The following SUPT3H variants were observed in gnomAD, a reference collection of about 807,000 sequenced individuals.
SUPT3H encodes the protein transcription initiation protein SPT3 homolog.
Under a neutral mutation model 44.3 loss-of-function variants are expected in SUPT3H, and 44 were observed. That is an observed-to-expected ratio of 0.99 (90% CI 0.78 to 1.28). The LOEUF (loss-of-function observed/expected upper bound fraction) is 1.28, where lower values mean the gene tolerates loss of function less well. Ranked by LOEUF, SUPT3H falls within the 50% of genes most tolerant of loss-of-function variation. The pLI is 0.00. For synonymous variants in SUPT3H, 124 were observed against 125.6 expected (o/e 0.99, Z 0.09); for missense variants, 380 against 387.1 (o/e 0.98, Z 0.15).
intron 3 of SUPT3H, among the ~76,000 whole-genome samples, chr6:45,042,482 T>G (rs1400183561): frequency 1.3e-5 from 2 of 152,176 alleles, no homozygotes; most frequent in Non-Finnish European, 2.9e-5. Context: ...ACCTAGAACA[T>G]GATATGGTTG....
chr6:45,022,617 C>A (rs1362708352), intron 3 of SUPT3H, among the ~76,000 whole-genome samples: 1 of 151,984 alleles, frequency 6.6e-6, no homozygotes, highest in East Asian at 1.9e-4. Flanking sequence ...CCTTGGACCT[C>A]TGCCTAGTTA....
chr6:45,075,366 G>C (rs1794877543), intron 3 of SUPT3H, among the ~76,000 whole-genome samples: 1 of 151,986 alleles, frequency 6.6e-6, no homozygotes, highest in African/African-American at 2.4e-5. Context: ...AAATGTCCTT[G>C]GCTTCTCTGA....
At chr6:45,233,520 T>A (rs1226763892) in intron 2 of SUPT3H, among the ~76,000 whole-genome samples, 1 of 152,200 alleles carries the variant, frequency 6.6e-6, no homozygotes, top group East Asian at 1.9e-4. Context: ...CCAACCACAG[T>A]ACTGTGCAGT....
intron 10 of SUPT3H, among the ~76,000 whole-genome samples, chr6:44,876,709 T>A: frequency 6.9e-6 from 1 of 145,786 alleles, no homozygotes. Flanking sequence ...AACCAATGGA[T>A]CAAAGGAGAA....
At chr6:45,284,344 G>A (rs563836374) in intron 2 of SUPT3H, among the ~76,000 whole-genome samples, 32 of 151,942 alleles carry the variant, frequency 2.1e-4, no homozygotes, top group South Asian at 1.2e-3. Context: ...TTGACAGACC[G>A]CTACCAAGAC....
At chr6:45,131,336 C>T (rs919364483) in intron 2 of SUPT3H, among the ~76,000 whole-genome samples, 3 of 152,150 alleles carry the variant, frequency 2.0e-5, no homozygotes, top group African/African-American at 7.2e-5. Context: ...TCACAGTCTA[C>T]AACAAATTAA....
intron 6 of SUPT3H, among the ~76,000 whole-genome samples, chr6:44,980,245 T>TAAA (rs759022169): frequency 7.8e-6 from 1 of 128,988 alleles, no homozygotes; most frequent in Non-Finnish European, 1.7e-5. Flanking sequence ...ACCCTTTCTC[T>TAAA]AAAAAAAAAA....
intron 2 of SUPT3H, among the ~76,000 whole-genome samples, chr6:45,134,585 T>C (rs1389812647): frequency 6.6e-6 from 1 of 152,138 alleles, no homozygotes; most frequent in Non-Finnish European, 1.5e-5. Flanking sequence ...TCTCCAGCTG[T>C]GAGCCTATGA....
At chr6:44,865,407 G>C (rs1458849447) in intron 10 of SUPT3H, among the ~76,000 whole-genome samples, 6 of 149,256 alleles carry the variant, frequency 4.0e-5, no homozygotes, top group Non-Finnish European at 9.0e-5. Context: ...CCCATTTACT[G>C]TATTACTTCA....
chr6:45,229,146 G>GT (rs1277604483), intron 2 of SUPT3H, among the ~76,000 whole-genome samples: 2 of 152,052 alleles, frequency 1.3e-5, no homozygotes, highest in East Asian at 1.9e-4. Context: ...CATGAGTTTG[G>GT]TAAAAACTGA....
chr6:45,171,713 C>CTTGTTTT (rs1810794583), intron 2 of SUPT3H, among the ~76,000 whole-genome samples: 1 of 93,474 alleles, frequency 1.1e-5, no homozygotes, highest in African/African-American at 4.5e-5. Flanking sequence ...ATTCCACTTG[C>CTTGTTTT]TTTTTTTTTT....
intron 3 of SUPT3H, among the ~76,000 whole-genome samples, chr6:45,053,422 G>C (rs150573653): frequency 6.6e-6 from 1 of 151,904 alleles, no homozygotes; most frequent in Non-Finnish European, 1.5e-5. Context: ...ATACCTGATG[G>C]GGTTCAAGAA....
In SUPT3H at chr6:45,003,544, C is replaced by T. The variant is rs1362711108; in HGVS notation, c.504+109G>A. 2.3e-6 allele frequency: 3 copies of T among 1,322,994 alleles called. No homozygotes were observed. In the African/African-American group the frequency reaches 4.5e-5, roughly 20 times the overall value. The allele number at this position is 1,322,994 out of a possible 1,614,324, so 82.0% of individuals were successfully genotyped here. Reference sequence around the variant, plus strand: ...ATCGCTGCCATCAGACATAAAACCACTGACTTAGAGATTTCAGACAACATT... The same window carrying T: ...ATCGCTGCCATCAGACATAAAACCATTGACTTAGAGATTTCAGACAACATT... On this transcript the variant is annotated intron_variant, in intron 6 of 10. Transcript: ENST00000371459.
At chr6:44,924,203 A>C (rs772162357) in intron 10 of SUPT3H, among the ~76,000 whole-genome samples, 1 of 152,072 alleles carries the variant, frequency 6.6e-6, no homozygotes, top group Non-Finnish European at 1.5e-5. Flanking sequence ...CAAACAAATA[A>C]TTTTTACTAT....
chr6:45,242,122 A>C (rs899823630), intron 2 of SUPT3H, among the ~76,000 whole-genome samples: 2 of 152,210 alleles, frequency 1.3e-5, no homozygotes, highest in Admixed American at 6.5e-5. Context: ...AACTAGATAA[A>C]ATACATGAAA....
intron 3 of SUPT3H, among the ~76,000 whole-genome samples, chr6:45,081,660 A>G (rs1220754604): frequency 6.6e-6 from 1 of 152,172 alleles, no homozygotes. Context: ...TACGTCTTAT[A>G]TATACACTAT....
chr6:45,073,799 G>A (rs1424510503), intron 3 of SUPT3H, among the ~76,000 whole-genome samples: 1 of 151,938 alleles, frequency 6.6e-6, no homozygotes, highest in East Asian at 1.9e-4. Context: ...GCAAGAAAAA[G>A]GAGCTATATA....
At position 44,892,874 on chromosome 6, in the gene SUPT3H, A is replaced by C. The variant is rs543197062; in HGVS notation, c.912+39779T>G. 2.2e-4 allele frequency among the ~76,000 whole-genome samples: 33 copies of C among 152,236 alleles called. No individual in the cohort carries two copies. In the East Asian group the frequency reaches 3.7e-3, roughly 17 times the overall value. On this transcript the variant is annotated intron_variant, in intron 10 of 10. Coordinates refer to ENST00000371459, the MANE Select transcript of SUPT3H (RefSeq NM_003599.4). ...CCAAGTGTTAGCAGCCAAAATTATA[A>C]TTACTTTCCTTCCACTAAAATCTCT...
chr6:44,920,681 G>C (rs1768562660), intron 10 of SUPT3H, among the ~76,000 whole-genome samples: 1 of 151,968 alleles, frequency 6.6e-6, no homozygotes, highest in Admixed American at 6.6e-5. Flanking sequence ...TGGCAGAACA[G>C]TTTGCTAACT....
Sources: gnomAD v4.1 joint callset for allele counts (sites outside exome capture counted in the v4.1 genomes callset) on GRCh38, gnomAD v4.1.1 for gene constraint, MANE v1.5 for transcripts, NCBI Gene and HGNC (gene_info 2026-07-23, HGNC 2026-07-21) for gene names.